Variants in CDH12 observed in about 807,000 individuals in gnomAD.
CDH12 encodes the protein cadherin-12.
A neutral mutation model predicts 74.1 loss-of-function variants in CDH12; 41 were observed. That is an observed-to-expected ratio of 0.55 (90% CI 0.43 to 0.72). CDH12 has a LOEUF of 0.72. Ranked by LOEUF, CDH12 falls within the 30% of genes least tolerant of loss-of-function variation. CDH12 has a pLI of 0.00. For synonymous variants in CDH12, 399 were observed against 355.0 expected, an observed-to-expected ratio of 1.12 and a Z score of -1.39; for missense variants, 945 against 977.2, an observed-to-expected ratio of 0.97 and a Z score of 0.44.
At chr5:22,661,120 A>T (rs1740323578) in intron 1 of CDH12, among the ~76,000 whole-genome samples, 1 of 152,192 alleles carries the variant, frequency 6.6e-6, no homozygotes, top group Non-Finnish European at 1.5e-5. Context: ...GAAGCAAAGA[A>T]ACCTTATTTA....
chr5:22,457,593 T>TA (rs1458359459), intron 2 of CDH12, among the ~76,000 whole-genome samples: 5 of 149,710 alleles, frequency 3.3e-5, no homozygotes, highest in Admixed American at 6.6e-5. Flanking sequence ...CTAATTTTTT[T>TA]TTTGAGACAG....
intron 3 of CDH12, among the ~76,000 whole-genome samples, chr5:22,269,060 T>C (rs914724245): frequency 3.3e-5 from 5 of 152,122 alleles, no homozygotes; most frequent in African/African-American, 1.2e-4. Context: ...TGTACAAGCA[T>C]CCTCATCTGT....
chr5:22,487,421 CAAT>C (rs1197764884), intron 2 of CDH12, among the ~76,000 whole-genome samples: 1 of 151,872 alleles, frequency 6.6e-6, no homozygotes, highest in African/African-American at 2.4e-5. Flanking sequence ...CATAATTTGA[CAAT>C]AATAGAAGGA....
intron 5 of CDH12, among the ~76,000 whole-genome samples, chr5:21,994,358 A>G (rs534558653): frequency 6.6e-6 from 1 of 152,138 alleles, no homozygotes; most frequent in East Asian, 1.9e-4. Flanking sequence ...TCCAACAAGT[A>G]TTCTTGACTT....
chr5:22,208,750 C>T (rs1351834518), intron 4 of CDH12, among the ~76,000 whole-genome samples: 40 of 152,212 alleles, frequency 2.6e-4, no homozygotes, highest in Admixed American at 8.5e-4. Flanking sequence ...AGAGCCTAGA[C>T]ACATGGTTAT....
chr5:22,299,368 G>A (rs1295634977), intron 3 of CDH12, among the ~76,000 whole-genome samples: 1 of 152,130 alleles, frequency 6.6e-6, no homozygotes, highest in African/African-American at 2.4e-5. Flanking sequence ...TGAATGCTTT[G>A]TGGCAAAGAA....
At chr5:22,568,272 T>A (rs1324729052) in intron 1 of CDH12, among the ~76,000 whole-genome samples, 5 of 152,204 alleles carry the variant, frequency 3.3e-5, no homozygotes, top group Admixed American at 6.5e-5. Flanking sequence ...TAAGACCCAA[T>A]CTGTCATTTG....
intron 1 of CDH12, among the ~76,000 whole-genome samples, chr5:22,648,813 G>T (rs1183709997): frequency 6.6e-6 from 1 of 151,780 alleles, no homozygotes; most frequent in Non-Finnish European, 1.5e-5. Flanking sequence ...CTTTCTCAAA[G>T]TGACATAAAT....
intron 3 of CDH12, among the ~76,000 whole-genome samples, chr5:22,307,913 C>A (rs1424803204): frequency 8.8e-6 from 1 of 113,288 alleles, no homozygotes; most frequent in African/African-American, 3.4e-5. Flanking sequence ...CAGAGTCTCA[C>A]TCTGTCGCCC....
intron 3 of CDH12, among the ~76,000 whole-genome samples, chr5:22,238,582 A>C (rs76277530): frequency 2.9e-4 from 44 of 152,332 alleles, no homozygotes; most frequent in Admixed American, 1.4e-3. Context: ...GAAAAGAAAA[A>C]GCAATGGAAT....
chr5:22,678,907 G>T (rs955485879), intron 1 of CDH12, among the ~76,000 whole-genome samples: 4 of 152,032 alleles, frequency 2.6e-5, no homozygotes, highest in South Asian at 2.1e-4. Context: ...TATCTTTAAA[G>T]GTAGCTATAT....
At chr5:22,673,917 T>C (rs1741030394) in intron 1 of CDH12, among the ~76,000 whole-genome samples, 1 of 152,024 alleles carries the variant, frequency 6.6e-6, no homozygotes, top group Admixed American at 6.6e-5. Context: ...TAAAGAAAAA[T>C]CTAAGATCTT....
chr5:22,261,073 G>GTGTA (rs749471575), intron 3 of CDH12, among the ~76,000 whole-genome samples: 1,627 of 150,062 alleles, frequency 0.011, 22 homozygotes, highest in South Asian at 0.02. Context: ...GTGTGTGTGT[G>GTGTA]TATATACACA....
At chr5:22,690,941 G>T (rs1742050380) in intron 1 of CDH12, among the ~76,000 whole-genome samples, 1 of 152,140 alleles carries the variant, frequency 6.6e-6, no homozygotes, top group African/African-American at 2.4e-5. Flanking sequence ...TCTCAGACTG[G>T]GATGTCCATA....
At chr5:22,651,329 C>T (rs1739724078) in intron 1 of CDH12, among the ~76,000 whole-genome samples, 1 of 151,976 alleles carries the variant, frequency 6.6e-6, no homozygotes, top group Admixed American at 6.6e-5. Context: ...AAAGAACTCC[C>T]CAAGATTGGG....
intron 4 of CDH12, among the ~76,000 whole-genome samples, chr5:22,094,533 G>A (rs1335265979): frequency 6.6e-6 from 1 of 152,116 alleles, no homozygotes; most frequent in Non-Finnish European, 1.5e-5. Flanking sequence ...TAACAGTAGG[G>A]GGTGGCATGG....
chr5:22,727,865 T>G lies in CDH12; in HGVS notation c.-523+125193A>C, dbSNP rs532458226. ...TCATTTTTCTTATGGAGGTTTTCGT[T>G]TATTTTACTTTTGTTATCTGCATTC... On this transcript the variant is annotated intron_variant, in intron 1 of 14. Transcript: ENST00000382254. Among the ~76,000 whole-genome samples, 134 of 151,830 alleles carry G rather than the reference T, an allele frequency of 8.8e-4. 1 individual carries two copies. The highest frequency in any genetic ancestry group is 2.6e-3 in the African/African-American group (108 of 41,494).
intron 3 of CDH12, among the ~76,000 whole-genome samples, chr5:22,324,114 T>G (rs948777057): frequency 6.6e-6 from 1 of 152,168 alleles, no homozygotes; most frequent in South Asian, 2.1e-4. Context: ...TCACAATGAT[T>G]AGATGACTTC....
chr5:21,883,142 T>C (rs1579902946), intron 6 of CDH12: 2 of 1,545,776 alleles, frequency 1.3e-6, no homozygotes, highest in South Asian at 1.1e-5. Context: ...AAATTGGCAA[T>C]ATCATCTCTG....
Sources: allele counts gnomAD v4.1 joint callset (sites outside exome capture counted in the v4.1 genomes callset), GRCh38; gene constraint gnomAD v4.1.1; transcripts MANE v1.5; gene names NCBI Gene and HGNC (gene_info 2026-07-23, HGNC 2026-07-21).